FARS2: variants seen among roughly 807,000 people sequenced by gnomAD.
The protein encoded by FARS2 is phenylalanyl-tRNA synthetase 2, mitochondrial.
Under a neutral mutation model 46.4 loss-of-function variants are expected in FARS2, and 40 were observed. The observed-to-expected ratio is 0.86, with a 90% CI of 0.67 to 1.12. The LOEUF (loss-of-function observed/expected upper bound fraction) is 1.12, where lower values mean the gene tolerates loss of function less well. FARS2 is among the 50% of genes most tolerant of loss of function. The pLI, the probability that FARS2 is intolerant of heterozygous loss-of-function variation, is 0.00. For synonymous variants in FARS2, 234 were observed against 214.9 expected (o/e 1.09, Z -0.78); for missense variants, 513 against 567.9 (o/e 0.90, Z 0.98).
intron 4 of FARS2, among the ~76,000 whole-genome samples, chr6:5,443,625 G>A (rs751432335): frequency 2.0e-5 from 3 of 152,178 alleles, no homozygotes; most frequent in Non-Finnish European, 2.9e-5. Flanking sequence ...ATGTGGAGTG[G>A]ACCCGAACCA....
intron 4 of FARS2, among the ~76,000 whole-genome samples, chr6:5,493,739 G>C (rs1767277621): frequency 6.6e-6 from 1 of 152,220 alleles, no homozygotes; most frequent in South Asian, 2.1e-4. Flanking sequence ...AAAGCACCCG[G>C]AATGAATGAA....
Position 5,435,228 on chromosome 6 carries a change from A to C in FARS2, c.904+4056A>C, listed in dbSNP as rs184766244. ...AATAAATCATTCTGCCTAACGTAGA[A>C]TGAAAGAACTGAAACAAAATGAAAC... On this transcript the variant is annotated intron_variant, in intron 4 of 6. Transcript: ENST00000274680. 1.8e-4 allele frequency among the ~76,000 whole-genome samples: 28 copies of C among 152,358 alleles called. No homozygotes were observed. In the East Asian group the frequency reaches 5.2e-3, roughly 28 times the overall value.
intron 6 of FARS2, among the ~76,000 whole-genome samples, chr6:5,750,745 G>C (rs1467147256): frequency 1.3e-5 from 2 of 152,102 alleles, no homozygotes; most frequent in Non-Finnish European, 2.9e-5. Flanking sequence ...TTTGGTGGCA[G>C]GACTTTGAAA....
intron 4 of FARS2, among the ~76,000 whole-genome samples, chr6:5,499,717 A>G (rs1302056831): frequency 6.6e-6 from 1 of 152,192 alleles, no homozygotes; most frequent in Non-Finnish European, 1.5e-5. Context: ...GCTTGGTGAT[A>G]TCATTGCCTG....
chr6:5,537,053 G>C (rs1321301193), intron 4 of FARS2, among the ~76,000 whole-genome samples: 1 of 151,638 alleles, frequency 6.6e-6, no homozygotes, highest in African/African-American at 2.4e-5. Context: ...TTTTTCTGTG[G>C]CTCAGGATCA....
intron 6 of FARS2, among the ~76,000 whole-genome samples, chr6:5,732,070 T>G (rs1760664117): frequency 6.6e-6 from 1 of 152,214 alleles, no homozygotes; most frequent in Non-Finnish European, 1.5e-5. Flanking sequence ...CATGCAGGGT[T>G]TTGTGTTCTT....
intron 6 of FARS2, among the ~76,000 whole-genome samples, chr6:5,699,224 G>A (rs1384829181): frequency 6.6e-6 from 1 of 152,146 alleles, no homozygotes; most frequent in East Asian, 1.9e-4. Flanking sequence ...CCCTTCTCTT[G>A]TTCTCTCTCA....
At chr6:5,633,539 A>T (rs1480157618) in intron 6 of FARS2, among the ~76,000 whole-genome samples, 1 of 152,018 alleles carries the variant, frequency 6.6e-6, no homozygotes, top group Non-Finnish European at 1.5e-5. Flanking sequence ...AAGTGCTGGG[A>T]TTACAGGCGT....
chr6:5,766,136 G>T (rs1351577230), intron 6 of FARS2, among the ~76,000 whole-genome samples: 1 of 152,204 alleles, frequency 6.6e-6, no homozygotes. Context: ...ATGAGTAGAA[G>T]CTGTGAAGTA....
chr6:5,306,015 T>C (rs1768676980), intron 1 of FARS2, among the ~76,000 whole-genome samples: 1 of 152,208 alleles, frequency 6.6e-6, no homozygotes, highest in Admixed American at 6.5e-5. Context: ...TAATGGTAGA[T>C]GTGGTACATG....
chr6:5,275,197 A>G (rs922050616), intron 1 of FARS2, among the ~76,000 whole-genome samples: 1 of 152,190 alleles, frequency 6.6e-6, no homozygotes. Context: ...CACAAGGCCA[A>G]GCTTTTTTGC....
chr6:5,668,686 G>GTTTTTTTTTTTTTTTTTTTTTTTTTTTTT (rs58819474), intron 6 of FARS2, among the ~76,000 whole-genome samples: 1 of 53,404 alleles, frequency 1.9e-5, no homozygotes, highest in Non-Finnish European at 3.5e-5. Context: ...GTGTGTTTGG[G>GTTTTTTTTTTTTTTTTTTTTTTTTTTTTT]TTTTTTTTTT....
At chr6:5,619,040 C>T (rs1470107886) in intron 6 of FARS2, among the ~76,000 whole-genome samples, 1 of 152,152 alleles carries the variant, frequency 6.6e-6, no homozygotes. Context: ...TTCTGTAACA[C>T]CAGTTGCTCA....
chr6:5,668,660 A>G (rs1778271764), intron 6 of FARS2, among the ~76,000 whole-genome samples: 1 of 143,784 alleles, frequency 7.0e-6, no homozygotes, highest in South Asian at 2.2e-4. Flanking sequence ...TGTTACCTTG[A>G]GCAAGTTTCT....
At chr6:5,595,810 G>A (rs1774167432) in intron 5 of FARS2, among the ~76,000 whole-genome samples, 3 of 152,104 alleles carry the variant, frequency 2.0e-5, no homozygotes, top group African/African-American at 4.8e-5. Context: ...CATGACAGAC[G>A]ACTGGAATCA....
intron 1 of FARS2, among the ~76,000 whole-genome samples, chr6:5,267,408 A>G (rs764288675): frequency 2.6e-5 from 4 of 152,146 alleles, no homozygotes; most frequent in Non-Finnish European, 5.9e-5. Flanking sequence ...AATGATAGCT[A>G]TTATTTATTT....
Position 5,463,164 on chromosome 6 carries a change from C to T in FARS2, c.904+31992C>T, listed in dbSNP as rs542841062. On this transcript the variant is annotated intron_variant, in intron 4 of 6. Coordinates refer to ENST00000274680, the MANE Select transcript of FARS2 (RefSeq NM_006567.5). ...GCAGTGTTTTATAGTTTTTAGAGTACAAGTCTTGCACTTCTTTAATGAAAT... is the reference window on the plus strand; with the variant it reads ...GCAGTGTTTTATAGTTTTTAGAGTATAAGTCTTGCACTTCTTTAATGAAAT... 3.3e-5 allele frequency among the ~76,000 whole-genome samples: 5 copies of T among 152,310 alleles called. No individual in the cohort carries two copies. The East Asian group carries it at 5.8e-4, about 18-fold the overall frequency.
chr6:5,299,295 T>G (rs1485117951), intron 1 of FARS2, among the ~76,000 whole-genome samples: 1 of 152,236 alleles, frequency 6.6e-6, no homozygotes, highest in African/African-American at 2.4e-5. Flanking sequence ...CTTCCTACAC[T>G]CCTGTGTATT....
rs1212378296 is a variant in FARS2, at chr6:5,583,047, CT to C, written c.1066-30119del. Among the ~76,000 whole-genome samples the C allele has an allele frequency of 2.6e-5, 4 of 152,160 alleles. No homozygotes were observed. In the East Asian group the frequency reaches 7.7e-4, roughly 29 times the overall value. ...TGTCTGATGATTTCCAGCCCTCATTCTTTCATCATTAGACCAGTGACACCCT... is the reference window on the plus strand; with the variant it reads ...TGTCTGATGATTTCCAGCCCTCATTCTTCATCATTAGACCAGTGACACCCT... On this transcript the variant is annotated intron_variant, in intron 5 of 6. Transcript: ENST00000274680.
Sources: allele counts gnomAD v4.1 joint callset (sites outside exome capture counted in the v4.1 genomes callset), GRCh38; gene constraint gnomAD v4.1.1; transcripts MANE v1.5; gene names NCBI Gene and HGNC (gene_info 2026-07-23, HGNC 2026-07-21).